Variants in THSD4 observed in about 807,000 individuals in gnomAD.
THSD4 encodes thrombospondin type 1 domain containing 4.
Under a neutral mutation model 119.0 loss-of-function variants are expected in THSD4, and 69 were observed. The observed-to-expected ratio is 0.58, with a 90% CI of 0.48 to 0.71. THSD4 has a LOEUF of 0.71. THSD4 is among the 30% of genes least tolerant of loss of function. The probability of loss-of-function intolerance (pLI) is 0.00; values close to 1 mark genes in which losing one functional copy is unlikely to be tolerated. For synonymous variants in THSD4, 524 were observed against 540.4 expected, an observed-to-expected ratio of 0.97 and a Z score of 0.42; for missense variants, 1,393 against 1,391.1, an observed-to-expected ratio of 1.00 and a Z score of -0.02.
At chr15:71,559,899 A>G (rs964489700) in intron 7 of THSD4, among the ~76,000 whole-genome samples, 1 of 152,146 alleles carries the variant, frequency 6.6e-6, no homozygotes, top group African/African-American at 2.4e-5. Context: ...GAGAAAATTT[A>G]TTGCCAAGAA....
chr15:71,532,263 T>TGAGAGAGAGAGAGAGAGAGAGAGAGAGA (rs112859786), intron 7 of THSD4, among the ~76,000 whole-genome samples: 8 of 71,712 alleles, frequency 1.1e-4, no homozygotes, highest in Admixed American at 1.8e-4. Flanking sequence ...CAACAAAGGG[T>TGAGAGAGAGAGAGAGAGAGAGAGAGAGA]GAGAGAGAGA....
At chr15:71,289,932 G>A (rs1330171115) in intron 6 of THSD4, among the ~76,000 whole-genome samples, 4 of 152,112 alleles carry the variant, frequency 2.6e-5, no homozygotes, top group African/African-American at 9.7e-5. Context: ...CTAGCTGGAT[G>A]ATCCCTCCCT....
intron 6 of THSD4, among the ~76,000 whole-genome samples, chr15:71,333,925 C>A (rs1182851303): frequency 1.3e-5 from 2 of 152,110 alleles, no homozygotes; most frequent in East Asian, 3.9e-4. Flanking sequence ...GGTCTTTATC[C>A]TCAAATAACA....
intron 7 of THSD4, among the ~76,000 whole-genome samples, chr15:71,520,439 C>G (rs913341276): frequency 2.0e-5 from 3 of 152,142 alleles, no homozygotes; most frequent in Non-Finnish European, 2.9e-5. Context: ...GGGTGGGGCC[C>G]AGGGCCTCCT....
chr15:71,524,754 G>A (rs1328654939), intron 7 of THSD4, among the ~76,000 whole-genome samples: 2 of 136,722 alleles, frequency 1.5e-5, no homozygotes, highest in African/African-American at 2.7e-5. Context: ...CCACCACCAC[G>A]CCCGGCTAAT....
At chr15:71,460,716 G>A (rs1595789854) in intron 7 of THSD4, among the ~76,000 whole-genome samples, 1 of 152,258 alleles carries the variant, frequency 6.6e-6, no homozygotes, top group East Asian at 1.9e-4. Context: ...AACATTACCT[G>A]TTTGCGTACA....
intron 7 of THSD4, among the ~76,000 whole-genome samples, chr15:71,469,912 A>G (rs1218461811): frequency 1.3e-5 from 2 of 152,212 alleles, no homozygotes; most frequent in Non-Finnish European, 2.9e-5. Context: ...GTTATAATAG[A>G]GAGGAATTCA....
intron 6 of THSD4, among the ~76,000 whole-genome samples, chr15:71,394,296 G>A (rs2095442450): frequency 8.2e-6 from 1 of 121,956 alleles, no homozygotes; most frequent in Non-Finnish European, 1.7e-5. Flanking sequence ...TTTTTGAGAC[G>A]GAGTTTTACT....
chr15:71,225,539 CT>C (rs1040381361), intron 4 of THSD4, among the ~76,000 whole-genome samples: 50 of 105,366 alleles, frequency 4.7e-4, no homozygotes, highest in Non-Finnish European at 6.5e-4. Context: ...TTTTCTTTTT[CT>C]TTTTTTTTTT....
chr15:71,441,783 A>G (rs1248659856), intron 7 of THSD4, among the ~76,000 whole-genome samples: 1 of 152,006 alleles, frequency 6.6e-6, no homozygotes, highest in Non-Finnish European at 1.5e-5. Context: ...TTAAGTTCCT[A>G]ACTTTTCTGA....
intron 7 of THSD4, among the ~76,000 whole-genome samples, chr15:71,453,946 C>T (rs1318920693): frequency 2.0e-5 from 3 of 152,120 alleles, no homozygotes; most frequent in African/African-American, 7.2e-5. Context: ...TGGAAAATAA[C>T]TCAAATGTAC....
intron 7 of THSD4, among the ~76,000 whole-genome samples, chr15:71,626,959 C>T (rs2050521619): frequency 6.6e-6 from 1 of 152,182 alleles, no homozygotes; most frequent in Admixed American, 6.5e-5. Context: ...ACCCATAAAA[C>T]TGTCTACGTC....
At chr15:71,317,912 A>G (rs976730977) in intron 6 of THSD4, among the ~76,000 whole-genome samples, 4 of 152,228 alleles carry the variant, frequency 2.6e-5, no homozygotes, top group Non-Finnish European at 4.4e-5. Flanking sequence ...GCAGTTGATT[A>G]GCAAATGCCT....
At chr15:71,439,531 A>T (rs2047060853) in intron 7 of THSD4, among the ~76,000 whole-genome samples, 2 of 152,186 alleles carry the variant, frequency 1.3e-5, no homozygotes, top group Non-Finnish European at 2.9e-5. Flanking sequence ...TACCCTAAGG[A>T]TTATAAATCA....
intron 14 of THSD4, among the ~76,000 whole-genome samples, chr15:71,755,651 AG>A (rs1189669482): frequency 1.3e-5 from 2 of 150,866 alleles, no homozygotes; most frequent in African/African-American, 4.9e-5. Context: ...GACCTGAGAA[AG>A]AATTAGAGAT....
intron 7 of THSD4, among the ~76,000 whole-genome samples, chr15:71,652,157 G>A (rs533678865): frequency 1.3e-5 from 2 of 152,306 alleles, no homozygotes; most frequent in South Asian, 2.1e-4. Flanking sequence ...CTTATAGGGT[G>A]TAGGCAGTGT....
intron 7 of THSD4, among the ~76,000 whole-genome samples, chr15:71,566,156 CTT>C (rs58827489): frequency 0.34 from 48,280 of 141,714 alleles, 8,061 homozygotes; most frequent in Middle Eastern, 0.38. Context: ...TTCTTTTTTT[CTT>C]TTTTTTTTTT....
intron 1 of THSD4, among the ~76,000 whole-genome samples, chr15:71,124,240 T>C (rs1009610114): frequency 2.0e-5 from 3 of 152,206 alleles, no homozygotes; most frequent in African/African-American, 7.2e-5. Flanking sequence ...AAAGAAGCCA[T>C]AGACAATAGA....
intron 4 of THSD4, among the ~76,000 whole-genome samples, chr15:71,236,912 T>C (rs1439198119): frequency 6.6e-6 from 1 of 152,276 alleles, no homozygotes; most frequent in Admixed American, 6.5e-5. Flanking sequence ...AAAAACTTCA[T>C]TGACACCAAA....
Sources: allele counts gnomAD v4.1 joint callset (sites outside exome capture counted in the v4.1 genomes callset), GRCh38; gene constraint gnomAD v4.1.1; transcripts MANE v1.5; gene names NCBI Gene and HGNC (gene_info 2026-07-23, HGNC 2026-07-21).